Variants in ANK2 observed in about 807,000 individuals in gnomAD.
The protein encoded by ANK2 is ankyrin-2.
A neutral mutation model predicts 360.5 loss-of-function variants in ANK2; 83 were observed. The observed-to-expected ratio is 0.23, with a 90% confidence interval of 0.19 to 0.28. The LOEUF is 0.28. Among genes scored for constraint, ANK2 ranks in the 10% least tolerant of loss-of-function variants. The pLI is 1.00. For synonymous variants in ANK2, 1,740 were observed against 1,759.5 expected (o/e 0.99, Z 0.28); for missense variants, 4,201 against 4,795.7 (o/e 0.88, Z 3.66).
rs1189844319 is a variant in ANK2, at chr4:113,358,764, C to T, written c.10146C>T (p.Ile3382=). The T allele has an allele frequency of 5.6e-6, 9 of 1,613,952 alleles. No individual in the cohort carries two copies. The highest frequency in any genetic ancestry group is 1.6e-4 in the Middle Eastern group (1 of 6,084). Residue 3382 remains isoleucine, a synonymous_variant, in exon 38 of 46, where the codon ATC becomes ATT. Coordinates refer to ENST00000357077, the MANE Select transcript of ANK2 (RefSeq NM_001148.6). ...CTCAGGGACAGGACATGGCAAGCATCGCACCAGATAATAGAAGCAAATCTG... is the reference window on the plus strand; with the variant it reads ...CTCAGGGACAGGACATGGCAAGCATTGCACCAGATAATAGAAGCAAATCTG... ...VAPQGQDMAS[I]APDNRSKSES...
Position 113,365,177 on chromosome 4 carries a change from G to C in ANK2, c.11027G>C (p.Ser3676Thr), listed in dbSNP as rs886059017. ...GAACAGACCATTACACTGGATCATAGTGAAGGTCAAACTGTGTGTGTGTAT... is the reference window on the plus strand; with the variant it reads ...GAACAGACCATTACACTGGATCATACTGAAGGTCAAACTGTGTGTGTGTAT... ...EIEQTITLDH[S>T]EGFSVLQEEL... The change falls in exon 41 of 46, where the codon AGT becomes ACT. Residue 3676 changes from serine (S) to threonine (T), a missense_variant. Ser to Thr is a moderately conservative substitution (Grantham distance 58). Coordinates refer to ENST00000357077, the MANE Select transcript of ANK2 (RefSeq NM_001148.6). 10 of 1,609,878 alleles carry C rather than the reference G, an allele frequency of 6.2e-6. No homozygotes were observed. Among genetic ancestry groups the C allele is most frequent in the Non-Finnish European group, 6.8e-6 (8 of 1,178,850 alleles).
chr4:113,261,232 C>T (rs923619000), intron 13 of ANK2, among the ~76,000 whole-genome samples: 7 of 151,988 alleles, frequency 4.6e-5, no homozygotes, highest in African/African-American at 9.7e-5. Flanking sequence ...TTTATTAATA[C>T]GCTTTGAAAC....
the ANK2 span, among the ~76,000 whole-genome samples, chr4:112,774,461 G>A: frequency 6.6e-6 from 1 of 152,184 alleles, no homozygotes; most frequent in Admixed American, 6.5e-5. Context: ...GCGTGGCAGA[G>A]CTTGCAGTGA....
intron 1 of ANK2, among the ~76,000 whole-genome samples, chr4:113,113,038 CACTT>C (rs1379649325): frequency 2.6e-5 from 4 of 152,150 alleles, no homozygotes; most frequent in African/African-American, 9.7e-5. Flanking sequence ...CCATTGGACT[CACTT>C]ACTCAGTTTG....
chr4:113,318,895 A>G (rs528250693), intron 26 of ANK2, among the ~76,000 whole-genome samples: 1 of 152,312 alleles, frequency 6.6e-6, no homozygotes, highest in South Asian at 2.1e-4. Context: ...ACTGGAATAT[A>G]CTAGTGGCCT....
intron 23 of ANK2, among the ~76,000 whole-genome samples, chr4:113,305,472 G>C (rs139798162): frequency 2.0e-3 from 304 of 151,994 alleles, no homozygotes; most frequent in African/African-American, 7.1e-3. Flanking sequence ...CTCTTGGTTT[G>C]TGAAGAATAT....
chr4:112,958,218 C>T (rs1430998691), intron 2 of ANK2, among the ~76,000 whole-genome samples: 26 of 151,878 alleles, frequency 1.7e-4, no homozygotes, highest in Non-Finnish European at 3.2e-4. Context: ...GCTGCAATCT[C>T]GGCACTTTGG....
At chr4:112,826,423 C>T (rs1286526340) in intron 1 of ANK2, 4 of 1,041,232 alleles carry the variant, frequency 3.8e-6, no homozygotes, top group Non-Finnish European at 4.3e-6. Flanking sequence ...TCCCTACCAG[C>T]AGTAACTTTT....
chr4:112,875,906 T>G (rs2074930169), intron 1 of ANK2, among the ~76,000 whole-genome samples: 1 of 150,704 alleles, frequency 6.6e-6, no homozygotes, highest in Non-Finnish European at 1.5e-5. Context: ...CCTCCCTGGC[T>G]AATTTTTCTT....
chr4:112,836,428 A>G (rs1451163749), intron 1 of ANK2, among the ~76,000 whole-genome samples: 1 of 152,212 alleles, frequency 6.6e-6, no homozygotes, highest in Non-Finnish European at 1.5e-5. Context: ...GGGCACTGCT[A>G]TAATGATAAC....
intron 29 of ANK2, among the ~76,000 whole-genome samples, chr4:113,335,383 A>G (rs1354996998): frequency 6.6e-6 from 1 of 152,156 alleles, no homozygotes; most frequent in Non-Finnish European, 1.5e-5. Flanking sequence ...TCCCCTGAAA[A>G]CCCAAAGGGC....
chr4:112,822,678 G>A (rs1242601079), intron 1 of ANK2, among the ~76,000 whole-genome samples: 2 of 150,998 alleles, frequency 1.3e-5, no homozygotes, highest in East Asian at 1.9e-4. Flanking sequence ...ACCAGGAGGC[G>A]GAGGTTGCAG....
At chr4:112,938,666 A>G (rs374887306) in intron 2 of ANK2, among the ~76,000 whole-genome samples, 1 of 152,224 alleles carries the variant, frequency 6.6e-6, no homozygotes, top group Admixed American at 6.5e-5. Context: ...ATTGCCACCT[A>G]GTGGATTACT....
At chr4:112,954,356 C>A (rs2095231019) in intron 2 of ANK2, among the ~76,000 whole-genome samples, 1 of 151,830 alleles carries the variant, frequency 6.6e-6, no homozygotes, top group Non-Finnish European at 1.5e-5. Flanking sequence ...AAGTTATTTT[C>A]TGAACCAAGG....
chr4:113,288,299 C>G, intron 19 of ANK2, 89 bp from the exon 20 acceptor site: 1 of 1,069,788 alleles, frequency 9.3e-7, no homozygotes, highest in Non-Finnish European at 1.4e-6. Context: ...AACTGATACT[C>G]TACCCAGTCC....
intron 1 of ANK2, among the ~76,000 whole-genome samples, chr4:113,074,035 G>C (rs975784480): frequency 6.6e-6 from 1 of 152,176 alleles, no homozygotes; most frequent in African/African-American, 2.4e-5. Context: ...CAGAGTGAAC[G>C]TTTGATGGCA....
At chr4:112,991,149 G>A (rs1264817812) in intron 2 of ANK2, among the ~76,000 whole-genome samples, 1 of 151,396 alleles carries the variant, frequency 6.6e-6, no homozygotes, top group Non-Finnish European at 1.5e-5. Context: ...TCCTCGGGAA[G>A]CTGAGGCAGA....
At chr4:113,052,800 G>T (rs2067697227) in intron 1 of ANK2, among the ~76,000 whole-genome samples, 1 of 152,122 alleles carries the variant, frequency 6.6e-6, no homozygotes, top group Non-Finnish European at 1.5e-5. Flanking sequence ...GTAAACGGGT[G>T]CCAGGAAGAA....
At chr4:112,940,293 A>T in intron 2 of ANK2, among the ~76,000 whole-genome samples, 1 of 152,212 alleles carries the variant, frequency 6.6e-6, no homozygotes. Flanking sequence ...AAGGAAAGTC[A>T]GATACGTATT....
Sources: allele counts gnomAD v4.1 joint callset (sites outside exome capture counted in the v4.1 genomes callset), GRCh38; gene constraint gnomAD v4.1.1; transcripts MANE v1.5; gene names NCBI Gene and HGNC (gene_info 2026-07-23, HGNC 2026-07-21).